Variants in ST18 observed in about 807,000 individuals in gnomAD.
The protein encoded by ST18 is ST18 C2H2C-type zinc finger transcription factor, also known as suppression of tumorigenicity 18 protein.
A neutral mutation model predicts 110.0 loss-of-function variants in ST18; 50 were observed. The ratio of observed to expected loss-of-function variants is 0.45; its 90% CI spans 0.36 to 0.58. ST18 has a LOEUF of 0.58. ST18 is among the 20% of genes least tolerant of loss of function. The probability of loss-of-function intolerance (pLI) is 0.00; values close to 1 mark genes in which losing one functional copy is unlikely to be tolerated. For missense variants in ST18, 1,306 were observed against 1,280.1 expected, an observed-to-expected ratio of 1.02 and a Z score of -0.31; for synonymous variants, 461 against 452.4, an observed-to-expected ratio of 1.02 and a Z score of -0.24.
chr8:52,325,704 T>C (rs911266625), intron 2 of ST18, among the ~76,000 whole-genome samples: 1 of 152,198 alleles, frequency 6.6e-6, no homozygotes, highest in Non-Finnish European at 1.5e-5. Context: ...AAATTCTATG[T>C]TTTTAAAATT....
intron 18 of ST18, among the ~76,000 whole-genome samples, 191 bp downstream of exon 18, chr8:52,137,230 T>C (rs1464834987): frequency 6.6e-6 from 1 of 152,144 alleles, no homozygotes; most frequent in African/African-American, 2.4e-5. Flanking sequence ...GACTACAGGA[T>C]CAGAAAACCA....
At chr8:52,385,414 A>G (rs908309747) in intron 2 of ST18, among the ~76,000 whole-genome samples, 1 of 152,178 alleles carries the variant, frequency 6.6e-6, no homozygotes, top group Non-Finnish European at 1.5e-5. Context: ...AGCCTGGCCA[A>G]CATGGTGAAA....
chr8:52,324,078 C>T (rs534942634), intron 2 of ST18, among the ~76,000 whole-genome samples: 1 of 152,206 alleles, frequency 6.6e-6, no homozygotes, highest in African/African-American at 2.4e-5. Flanking sequence ...AGAATGTTCC[C>T]CAGACTCTGT....
chr8:52,407,724 C>T (rs1006629782), intron 2 of ST18: 2 of 152,120 alleles, frequency 1.3e-5, no homozygotes, highest in Non-Finnish European at 2.9e-5. Context: ...CGGCTACTTT[C>T]ATGCAGAGAT....
intron 2 of ST18, among the ~76,000 whole-genome samples, chr8:52,340,442 G>T (rs570758176): frequency 6.6e-6 from 1 of 152,302 alleles, no homozygotes; most frequent in South Asian, 2.1e-4. Context: ...TCCAGTGCAG[G>T]AAACTCAGAG....
intron 2 of ST18, among the ~76,000 whole-genome samples, chr8:52,346,961 T>C (rs1818078690): frequency 6.6e-6 from 1 of 151,972 alleles, no homozygotes; most frequent in Middle Eastern, 3.2e-3. Context: ...AAAACCATGG[T>C]CTAAGTAAAA....
chr8:52,243,914 G>A (rs1198046978), intron 2 of ST18, among the ~76,000 whole-genome samples: 1 of 152,008 alleles, frequency 6.6e-6, no homozygotes, highest in East Asian at 1.9e-4. Flanking sequence ...AGCTGTGCAC[G>A]TGCATGTTTC....
chr8:52,212,007 T>G (rs2082330143), intron 8 of ST18, 72 bp downstream of exon 8: 1 of 1,515,264 alleles, frequency 6.6e-7, no homozygotes, highest in Admixed American at 1.9e-5. Flanking sequence ...TTCTGAGGCT[T>G]GAAAAGTACA....
intron 2 of ST18, among the ~76,000 whole-genome samples, chr8:52,291,921 G>A (rs910659537): frequency 3.3e-5 from 5 of 152,030 alleles, no homozygotes; most frequent in Non-Finnish European, 5.9e-5. Flanking sequence ...GACCACAGGC[G>A]CGTGCCATCA....
intron 11 of ST18, 42 bp from the exon 12 acceptor site, chr8:52,165,267 T>C (rs374313853): frequency 3.0e-5 from 48 of 1,595,672 alleles, no homozygotes; most frequent in Non-Finnish European, 4.0e-5. Context: ...TACTTTACCA[T>C]AAATACAAAG....
chr8:52,197,142 A>T (rs767696009), intron 8 of ST18, among the ~76,000 whole-genome samples: 3 of 152,242 alleles, frequency 2.0e-5, no homozygotes, highest in Non-Finnish European at 2.9e-5. Flanking sequence ...ATTGGAACAT[A>T]GTAAGTGACA....
chr8:52,393,882 CAAAAAAAAAA>C (rs36094545), intron 2 of ST18: 18 of 69,040 alleles, frequency 2.6e-4, no homozygotes, highest in African/African-American at 5.8e-4. Flanking sequence ...AACTCCATCT[CAAAAAAAAAA>C]AAAAAAAAAA....
chr8:52,113,446 A>C, intron 25 of ST18, 108 bp from the exon 26 acceptor site: 2 of 1,309,834 alleles, frequency 1.5e-6, no homozygotes, highest in Non-Finnish European at 2.1e-6. Context: ...GAGGGAAGGC[A>C]AGGGTGCATA....
chr8:52,273,457 T>A (rs939702091), intron 2 of ST18, among the ~76,000 whole-genome samples: 3 of 152,212 alleles, frequency 2.0e-5, no homozygotes, highest in African/African-American at 7.2e-5. Flanking sequence ...CATAATAGCA[T>A]AATGAGTTGC....
intron 2 of ST18, among the ~76,000 whole-genome samples, chr8:52,233,865 A>G (rs988232672): frequency 6.6e-6 from 1 of 152,192 alleles, no homozygotes; most frequent in African/African-American, 2.4e-5. Context: ...ATAACTATAT[A>G]TTTATGGAAT....
At chr8:52,329,492 T>C (rs1247470099) in intron 2 of ST18, among the ~76,000 whole-genome samples, 3 of 152,110 alleles carry the variant, frequency 2.0e-5, no homozygotes, top group Non-Finnish European at 4.4e-5. Context: ...TGGTGGCTCA[T>C]GCTTGTAATC....
rs193252728 is a variant in ST18 at position 52,326,305 on chromosome 8, G to A, written c.-465+83023C>T. 9.9e-5 allele frequency among the ~76,000 whole-genome samples: 15 copies of A among 152,282 alleles called. 1 individual carries two copies. In the East Asian group the frequency reaches 2.9e-3, roughly 29 times the overall value. ...GACAGAGGGAGTTCACAAGAACTGG[G>A]AATGAGAGAATTTACCATAGACAGA... On this transcript the variant is annotated intron_variant, in intron 2 of 25. Transcript: ENST00000689386.
At chr8:52,206,046 G>A (rs950979217) in intron 8 of ST18, among the ~76,000 whole-genome samples, 1 of 152,198 alleles carries the variant, frequency 6.6e-6, no homozygotes, top group African/African-American at 2.4e-5. Flanking sequence ...CAGACAATAT[G>A]GCACGGCTGC....
chr8:52,122,728 C>A (rs1332775570), intron 23 of ST18, among the ~76,000 whole-genome samples: 5 of 151,960 alleles, frequency 3.3e-5, no homozygotes, highest in Non-Finnish European at 5.9e-5. Context: ...ACCTCGTGAT[C>A]CACCCTTCTC....
Sources: allele counts gnomAD v4.1 joint callset (sites outside exome capture counted in the v4.1 genomes callset), GRCh38; gene constraint gnomAD v4.1.1; transcripts MANE v1.5; gene names NCBI Gene and HGNC (gene_info 2026-07-23, HGNC 2026-07-21).